EPB41L3: variants seen among roughly 807,000 people sequenced by gnomAD.
The protein encoded by EPB41L3 is erythrocyte membrane protein band 4.1 like 3, also known as band 4.1-like protein 3.
In EPB41L3, 57 loss-of-function variants were observed where a neutral mutation model predicts 127.1. The observed-to-expected ratio is 0.45, with a 90% confidence interval of 0.36 to 0.56. EPB41L3 has a LOEUF of 0.56. Among genes scored for constraint, EPB41L3 ranks in the 20% least tolerant of loss-of-function variants. The pLI is 0.00. For synonymous variants in EPB41L3, 572 were observed against 549.5 expected, an observed-to-expected ratio of 1.04 and a Z score of -0.57; for missense variants, 1,273 against 1,372.2, an observed-to-expected ratio of 0.93 and a Z score of 1.14.
chr18:5,450,722 T>C (rs2082183943), intron 3 of EPB41L3, among the ~76,000 whole-genome samples: 1 of 152,250 alleles, frequency 6.6e-6, no homozygotes, highest in Non-Finnish European at 1.5e-5. Flanking sequence ...AATCGACATT[T>C]TAGAAAATTC....
chr18:5,589,934 T>G (rs2094471416), intron 3 of EPB41L3, among the ~76,000 whole-genome samples: 1 of 152,222 alleles, frequency 6.6e-6, no homozygotes, highest in African/African-American at 2.4e-5. Context: ...TTCAGTGGAG[T>G]AAAATTGTGT....
intron 1 of EPB41L3, among the ~76,000 whole-genome samples, chr18:5,509,838 C>T (rs1238348196): frequency 7.9e-5 from 12 of 152,126 alleles, no homozygotes; most frequent in Non-Finnish European, 1.5e-5. Context: ...AATTTTACTA[C>T]TTTTGATCTT....
At chr18:5,495,164 T>A (rs899927840) in intron 1 of EPB41L3, among the ~76,000 whole-genome samples, 38 of 152,180 alleles carry the variant, frequency 2.5e-4, no homozygotes, top group Non-Finnish European at 4.7e-4. Context: ...AAAACAAGCT[T>A]TTTGGCCATG....
At chr18:5,463,246 A>G (rs930693906) in intron 3 of EPB41L3, among the ~76,000 whole-genome samples, 1 of 152,208 alleles carries the variant, frequency 6.6e-6, no homozygotes, top group Non-Finnish European at 1.5e-5. Flanking sequence ...ACATTTTAAA[A>G]CATGAATGAG....
rs550559748 is a variant in EPB41L3, at chr18:5,410,456, A to G, written c.2121+110T>C. 5 of 774,416 alleles carry G rather than the reference A, an allele frequency of 6.5e-6. No individual in the cohort carries two copies. The East Asian group carries it at 1.3e-4, about 20-fold the overall frequency. 48.0% of individuals were successfully genotyped at this position (774,416 alleles called of 1,614,324 possible). A position where few individuals can be genotyped will look rare whatever the true frequency, so the allele number is the denominator to read the frequency against. On this transcript the variant is annotated intron_variant, in intron 14 of 22. Transcript: ENST00000341928. ...ATATTTAACTCCAACTGTTAAAGTT[A>G]GAACTGATCTCCATTACAACAGCTC...
At chr18:5,395,940 T>C (rs1203948609) in intron 19 of EPB41L3, among the ~76,000 whole-genome samples, 1 of 152,138 alleles carries the variant, frequency 6.6e-6, no homozygotes, top group Non-Finnish European at 1.5e-5. Context: ...TGAGTGAATA[T>C]TTTTCTTTCT....
At chr18:5,480,249 C>A (rs550356956) in intron 2 of EPB41L3, 1 of 152,126 alleles carries the variant, frequency 6.6e-6, no homozygotes, top group South Asian at 2.1e-4. Context: ...AAACATGAAC[C>A]CAACACTAAG....
intron 22 of EPB41L3, 91 bp downstream of exon 22, chr18:5,394,585 AG>A (rs2073015093): frequency 1.1e-6 from 1 of 893,680 alleles, no homozygotes; most frequent in South Asian, 1.6e-5. Context: ...GAGAGAACAG[AG>A]GAAAGGAGGG....
intron 9 of EPB41L3, among the ~76,000 whole-genome samples, chr18:5,425,496 G>C (rs2078046946): frequency 6.6e-6 from 1 of 152,092 alleles, no homozygotes; most frequent in African/African-American, 2.4e-5. Context: ...CCAATGCCAG[G>C]GGTTATATGG....
intron 1 of EPB41L3, among the ~76,000 whole-genome samples, chr18:5,525,409 A>T (rs560032915): frequency 7.9e-5 from 12 of 152,270 alleles, no homozygotes; most frequent in Middle Eastern, 3.4e-3. Context: ...TACAATTCCC[A>T]TTTTCTATAT....
At chr18:5,450,598 C>T (rs1039228677) in intron 3 of EPB41L3, among the ~76,000 whole-genome samples, 3 of 151,688 alleles carry the variant, frequency 2.0e-5, no homozygotes, top group African/African-American at 7.3e-5. Flanking sequence ...AAAATACATT[C>T]TTAGTTTAAA....
intron 1 of EPB41L3, among the ~76,000 whole-genome samples, chr18:5,502,916 C>T (rs2091863439): frequency 6.6e-6 from 1 of 152,202 alleles, no homozygotes; most frequent in Non-Finnish European, 1.5e-5. Context: ...GAGAGGGTAA[C>T]ACTAGCTACT....
chr18:5,486,895 A>C (rs2089845470), intron 2 of EPB41L3, among the ~76,000 whole-genome samples: 3 of 152,238 alleles, frequency 2.0e-5, no homozygotes, highest in African/African-American at 7.2e-5. Context: ...AAATTCATAC[A>C]GCCACTGTGA....
At chr18:5,428,902 C>G (rs1043447813) in intron 8 of EPB41L3, among the ~76,000 whole-genome samples, 4 of 152,190 alleles carry the variant, frequency 2.6e-5, no homozygotes, top group African/African-American at 9.7e-5. Context: ...AGAGTTCCAG[C>G]TGAACACAGC....
At chr18:5,471,341 A>C (rs2086108413) in intron 3 of EPB41L3, among the ~76,000 whole-genome samples, 1 of 152,164 alleles carries the variant, frequency 6.6e-6, no homozygotes, top group African/African-American at 2.4e-5. Flanking sequence ...GTGGCACTAA[A>C]GCCACACGCA....
intron 1 of EPB41L3, among the ~76,000 whole-genome samples, chr18:5,519,263 C>T (rs892868951): frequency 6.6e-6 from 1 of 152,186 alleles, no homozygotes; most frequent in Non-Finnish European, 1.5e-5. Context: ...GACGCCCCTG[C>T]GTGTGCTCAG....
intron 1 of EPB41L3, among the ~76,000 whole-genome samples, chr18:5,537,088 G>A (rs958158587): frequency 6.6e-6 from 1 of 152,106 alleles, no homozygotes; most frequent in Admixed American, 6.5e-5. Flanking sequence ...CAGGCTCTAG[G>A]AAGTTAAAAG....
upstream of EPB41L3, chr18:5,544,344 G>A (rs2093839901): frequency 1.0e-6 from 1 of 984,740 alleles, no homozygotes; most frequent in Non-Finnish European, 1.2e-6. Flanking sequence ...CATCCCCTGT[G>A]AGAAAGGAGG....
At chr18:5,519,066 A>C (rs981629865) in intron 1 of EPB41L3, among the ~76,000 whole-genome samples, 1 of 152,224 alleles carries the variant, frequency 6.6e-6, no homozygotes, top group Non-Finnish European at 1.5e-5. Context: ...ATGAAATTAC[A>C]GGACTGATAA....
Sources: gnomAD v4.1 joint callset for allele counts (sites outside exome capture counted in the v4.1 genomes callset) on GRCh38, gnomAD v4.1.1 for gene constraint, MANE v1.5 for transcripts, NCBI Gene and HGNC (gene_info 2026-07-23, HGNC 2026-07-21) for gene names.